CADM2: variants seen among roughly 807,000 people sequenced by gnomAD.
The protein encoded by CADM2 is immunoglobulin superfamily member 4D.
CADM2 carries 12 observed loss-of-function variants against 49.8 expected under a neutral mutation model. That is an observed-to-expected ratio of 0.24 (90% CI 0.15 to 0.39). The LOEUF (loss-of-function observed/expected upper bound fraction) is 0.39, where lower values mean the gene tolerates loss of function less well. Ranked by LOEUF, CADM2 falls within the 10% of genes least tolerant of loss-of-function variation. The probability of loss-of-function intolerance (pLI) is 1.00; values close to 1 mark genes in which losing one functional copy is unlikely to be tolerated. For missense variants in CADM2, 378 were observed against 492.3 expected (o/e 0.77, Z 2.20); for synonymous variants, 214 against 175.4 (o/e 1.22, Z -1.74).
At chr3:85,317,612 CTG>C (rs2044499879) in intron 1 of CADM2, among the ~76,000 whole-genome samples, 1 of 152,194 alleles carries the variant, frequency 6.6e-6, no homozygotes, top group Non-Finnish European at 1.5e-5. Context: ...AGGAGGAACA[CTG>C]TTTCTCACAG....
At chr3:85,156,583 C>T (rs577506757) in intron 1 of CADM2, among the ~76,000 whole-genome samples, 4 of 152,192 alleles carry the variant, frequency 2.6e-5, no homozygotes, top group South Asian at 2.1e-4. Context: ...TGAAACTATT[C>T]GAATCAATAG....
chr3:85,085,840 G>A (rs1164938443), intron 1 of CADM2, among the ~76,000 whole-genome samples: 1 of 151,984 alleles, frequency 6.6e-6, no homozygotes, highest in Non-Finnish European at 1.5e-5. Flanking sequence ...CTTATGCCTT[G>A]CTTTTTTTTC....
intron 2 of CADM2, among the ~76,000 whole-genome samples, chr3:85,796,263 T>C (rs936864632): frequency 1.3e-5 from 2 of 152,180 alleles, no homozygotes; most frequent in African/African-American, 4.8e-5. Context: ...TTGAAACCAT[T>C]TGGAGCTTCA....
chr3:85,530,620 C>A (rs1284200150), intron 1 of CADM2, among the ~76,000 whole-genome samples: 2 of 151,946 alleles, frequency 1.3e-5, no homozygotes, highest in Non-Finnish European at 2.9e-5. Context: ...TGAGCCACTG[C>A]GCCCGGCCCA....
Position 85,688,540 on chromosome 3 carries a change from A to C in CADM2, c.62-37982A>C, listed in dbSNP as rs79514099. 7.9e-3 allele frequency among the ~76,000 whole-genome samples: 1,185 copies of C among 150,710 alleles called. 6 individuals carry two copies. Among genetic ancestry groups the C allele is most frequent in the Middle Eastern group, 0.02 (6 of 294 alleles). On this transcript the variant is annotated intron_variant, in intron 1 of 9. Transcript: ENST00000383699. Reference sequence around the variant, plus strand: ...AAATGCTATAACCACCTTGGTGATAAATTTGGCAGTTTATTTATTTATTCT... The same window carrying C: ...AAATGCTATAACCACCTTGGTGATACATTTGGCAGTTTATTTATTTATTCT...
rs192952312 is a variant in CADM2, at chr3:85,735,799, C to T, written c.88+9251C>T. 4.8e-3 allele frequency among the ~76,000 whole-genome samples: 737 copies of T among 152,078 alleles called. 12 individuals are homozygous for T. Among genetic ancestry groups the T allele is most frequent in the South Asian group, 0.045 (214 of 4,806 alleles). Reference sequence around the variant, plus strand: ...AACTGGAAGGACAAAGTTACATTTACAAGATCGAAAAGACAGGACTAACAC... The same window carrying T: ...AACTGGAAGGACAAAGTTACATTTATAAGATCGAAAAGACAGGACTAACAC... On this transcript the variant is annotated intron_variant, in intron 2 of 9. Coordinates refer to ENST00000383699, the MANE Select transcript of CADM2 (RefSeq NM_001167675.2).
intron 1 of CADM2, among the ~76,000 whole-genome samples, chr3:85,504,852 A>C (rs928156677): frequency 5.9e-5 from 9 of 152,182 alleles, no homozygotes; most frequent in African/African-American, 1.9e-4. Context: ...GGCGAGAAAT[A>C]GAGCGCAGCG....
chr3:85,540,146 G>T (rs1326737986), intron 1 of CADM2, among the ~76,000 whole-genome samples: 1 of 151,992 alleles, frequency 6.6e-6, no homozygotes, highest in African/African-American at 2.4e-5. Flanking sequence ...TATCATAAAA[G>T]CCAAATGAAA....
chr3:84,990,643 A>ATG (rs1278044987), intron 1 of CADM2, among the ~76,000 whole-genome samples: 1 of 152,082 alleles, frequency 6.6e-6, no homozygotes, highest in Non-Finnish European at 1.5e-5. Flanking sequence ...ATTTTTAAGT[A>ATG]TGTATTCAAT....
At chr3:84,980,739 T>C (rs1301435117) in intron 1 of CADM2, among the ~76,000 whole-genome samples, 6 of 152,142 alleles carry the variant, frequency 3.9e-5, no homozygotes, top group Admixed American at 3.9e-4. Flanking sequence ...GCTTAAGGTG[T>C]TTCACCTTAG....
At chr3:85,194,979 A>T (rs1037224079) in intron 1 of CADM2, among the ~76,000 whole-genome samples, 1 of 152,014 alleles carries the variant, frequency 6.6e-6, no homozygotes, top group Non-Finnish European at 1.5e-5. Flanking sequence ...AGTGGCTAAG[A>T]CTACAGGTGC....
rs949263243 is a variant in CADM2, at chr3:85,104,260, A to G, written c.61+144592A>G. 4.0e-5 allele frequency among the ~76,000 whole-genome samples: 6 copies of G among 151,352 alleles called. No homozygotes were observed. In the South Asian group the frequency reaches 8.4e-4, roughly 21 times the overall value. On this transcript the variant is annotated intron_variant, in intron 1 of 9. Coordinates refer to ENST00000383699, the MANE Select transcript of CADM2 (RefSeq NM_001167675.2). ...GGAAGGGATCCAGTTTCAGCTTTCT[A>G]CATATGGCTAGCCAGTTTTCCCAGC...
At chr3:85,556,454 A>G (rs1300641132) in intron 1 of CADM2, among the ~76,000 whole-genome samples, 2 of 152,184 alleles carry the variant, frequency 1.3e-5, no homozygotes, top group African/African-American at 2.4e-5. Flanking sequence ...TTTAACGTCA[A>G]AAACTACACT....
intron 1 of CADM2, among the ~76,000 whole-genome samples, chr3:85,460,537 G>A (rs956185254): frequency 2.0e-5 from 3 of 152,004 alleles, no homozygotes; most frequent in Non-Finnish European, 2.9e-5. Context: ...AAGGTTATAG[G>A]CATACTCTCT....
intron 2 of CADM2, among the ~76,000 whole-genome samples, chr3:85,772,503 CA>C (rs1157511981): frequency 1.3e-5 from 2 of 151,974 alleles, no homozygotes; most frequent in Non-Finnish European, 2.9e-5. Flanking sequence ...CAGAAACAAA[CA>C]AAAATGTATA....
chr3:85,403,358 A>T (rs1265962987), intron 1 of CADM2, among the ~76,000 whole-genome samples: 3 of 152,162 alleles, frequency 2.0e-5, no homozygotes, highest in Admixed American at 1.3e-4. Flanking sequence ...TAGTGTTCAC[A>T]TTCTCTTTCT....
At chr3:85,831,008 G>A (rs2108228995) in intron 3 of CADM2, among the ~76,000 whole-genome samples, 1 of 151,598 alleles carries the variant, frequency 6.6e-6, no homozygotes. Flanking sequence ...CACTTCTAGT[G>A]GTCCCCGTTG....
Position 85,335,396 on chromosome 3 carries a change from C to T in CADM2, c.61+375728C>T, listed in dbSNP as rs536052713. ...ACTAACCAGACCTCTCTATTCTCTT[C>T]TTGTCAAGGGTCAGATTCTTCTTTT... On this transcript the variant is annotated intron_variant, in intron 1 of 9. Transcript: ENST00000383699. Among the ~76,000 whole-genome samples the T allele has an allele frequency of 2.6e-5, 4 of 151,570 alleles. No homozygotes were observed. The South Asian group carries it at 8.3e-4, about 31-fold the overall frequency.
chr3:85,141,560 T>G (rs969251355), intron 1 of CADM2, among the ~76,000 whole-genome samples: 1 of 152,208 alleles, frequency 6.6e-6, no homozygotes, highest in Non-Finnish European at 1.5e-5. Context: ...GTAAACCCTA[T>G]TATATATCAT....
Sources: allele counts gnomAD v4.1 joint callset (sites outside exome capture counted in the v4.1 genomes callset), GRCh38; gene constraint gnomAD v4.1.1; transcripts MANE v1.5; gene names NCBI Gene and HGNC (gene_info 2026-07-23, HGNC 2026-07-21).